The following CDC27 variants were observed in gnomAD, a reference collection of about 807,000 sequenced individuals.
The protein encoded by CDC27 is cell division cycle 27.
A neutral mutation model predicts 109.7 loss-of-function variants in CDC27; 27 were observed. The observed-to-expected ratio is 0.25, with a 90% CI of 0.18 to 0.34. The LOEUF is 0.34. CDC27 is among the 10% of genes least tolerant of loss of function. The pLI is 1.00. For missense variants in CDC27, 579 were observed against 960.2 expected, an observed-to-expected ratio of 0.60 and a Z score of 5.25; for synonymous variants, 266 against 333.9, an observed-to-expected ratio of 0.80 and a Z score of 2.22.
chr17:47,118,721 T>C lies in CDC27; in HGVS notation c.*2214A>G, dbSNP rs1183773313. ...TTCGGGTTGTTTGATCCCCATTCCATGCAAAAAACAAAACCAAACAAAAAA... is the reference window on the plus strand; with the variant it reads ...TTCGGGTTGTTTGATCCCCATTCCACGCAAAAAACAAAACCAAACAAAAAA... On this transcript the variant is annotated 3_prime_UTR_variant, in exon 19 of 19. Coordinates refer to ENST00000066544, the MANE Select transcript of CDC27 (RefSeq NM_001256.6). The C allele has an allele frequency of 6.6e-6, 1 of 152,466 alleles. No homozygotes were observed. Among genetic ancestry groups the C allele is most frequent in the Non-Finnish European group, 1.5e-5 (1 of 68,016 alleles). 9.4% of individuals were successfully genotyped at this position (152,466 alleles called of 1,614,324 possible).
chr17:47,128,520 C>T (rs1384519644), intron 16 of CDC27, among the ~76,000 whole-genome samples: 1 of 152,114 alleles, frequency 6.6e-6, no homozygotes, highest in African/African-American at 2.4e-5. Context: ...CAGACTAGAA[C>T]TAGTCTCCGT....
chr17:47,134,759 C>G (rs1481617116), intron 14 of CDC27, among the ~76,000 whole-genome samples: 1 of 151,626 alleles, frequency 6.6e-6, no homozygotes, highest in Non-Finnish European at 1.5e-5. Context: ...CAGGCGTGAG[C>G]CACCGTGCCC....
intron 9 of CDC27, among the ~76,000 whole-genome samples, chr17:47,146,507 ATCTCACTCCAAGCTGGGAATAGCTCATAC>A (rs1378303302): frequency 2.0e-5 from 3 of 152,192 alleles, no homozygotes; most frequent in African/African-American, 4.8e-5. Flanking sequence ...TAATTACTGG[ATCTCACTCCAAGCTGGGAATAGCTCATAC>A]TTTCAATAGG....
At chr17:47,183,220 T>C (rs2064309028) in intron 1 of CDC27, among the ~76,000 whole-genome samples, 1 of 152,194 alleles carries the variant, frequency 6.6e-6, no homozygotes, top group Non-Finnish European at 1.5e-5. Context: ...TTATAATTTG[T>C]TGAATGATTT....
intron 4 of CDC27, chr17:47,161,648 G>C (rs1003312961): frequency 6.6e-6 from 1 of 152,392 alleles, no homozygotes; most frequent in Non-Finnish European, 1.5e-5. Context: ...TACCTGGGAG[G>C]CTGAGGCAGG....
intron 2 of CDC27, among the ~76,000 whole-genome samples, chr17:47,176,542 T>G: frequency 6.6e-6 from 1 of 152,134 alleles, no homozygotes; most frequent in Non-Finnish European, 1.5e-5. Flanking sequence ...CTCCTTAGTG[T>G]TTGAGGCAGA....
chr17:47,179,828 T>C (rs1173671761), intron 2 of CDC27, among the ~76,000 whole-genome samples: 1 of 152,232 alleles, frequency 6.6e-6, no homozygotes, highest in East Asian at 1.9e-4. Context: ...TGGACTAATC[T>C]GGGAATCTTG....
Position 47,123,777 on chromosome 17 carries a change from T to C in CDC27, c.2235+109A>G, listed in dbSNP as rs2062048945. 4.5e-6 allele frequency: 3 copies of C among 669,190 alleles called. No individual in the cohort carries two copies. In the East Asian group the frequency reaches 9.4e-5, roughly 21 times the overall value. 41.5% of individuals were successfully genotyped at this position (669,190 alleles called of 1,614,324 possible). On this transcript the variant is annotated intron_variant, in intron 17 of 18. Transcript: ENST00000066544. ...TCCCAGAGCACTCAGTTCGGAGCTTTAGTTTAATTTGCTCAATAGATATGT... is the reference window on the plus strand; with the variant it reads ...TCCCAGAGCACTCAGTTCGGAGCTTCAGTTTAATTTGCTCAATAGATATGT...
chr17:47,123,760 C>A, intron 17 of CDC27, 126 bp downstream of exon 17: 1 of 556,912 alleles, frequency 1.8e-6, no homozygotes. Flanking sequence ...ATTCCCAGAG[C>A]ACTCAGTTCG....
At chr17:47,185,477 C>T (rs1317209517) in intron 1 of CDC27, among the ~76,000 whole-genome samples, 1 of 152,156 alleles carries the variant, frequency 6.6e-6, no homozygotes, top group Non-Finnish European at 1.5e-5. Flanking sequence ...GGCACCGCGC[C>T]CGGCCTGTAA....
intron 12 of CDC27, among the ~76,000 whole-genome samples, chr17:47,141,504 CA>C (rs2062791759): frequency 1.3e-5 from 2 of 152,068 alleles, no homozygotes; most frequent in South Asian, 4.2e-4. Flanking sequence ...GTCAAAAATT[CA>C]CCCCAGTAAT....
At chr17:47,181,213 CCACTG>C (rs1371946876) in intron 2 of CDC27, 1 of 134,442 alleles carries the variant, frequency 7.4e-6, no homozygotes, top group Non-Finnish European at 1.5e-5. Flanking sequence ...TGAGATGGTC[CCACTG>C]TACTCCAACA....
In CDC27 at chr17:47,189,105, G is replaced by A. The variant is rs370273617; in HGVS notation, c.27+41C>T. 23 of 1,606,258 alleles carry A rather than the reference G, an allele frequency of 1.4e-5. 1 individual carries two copies. The African/African-American group carries it at 1.9e-4, about 13-fold the overall frequency. On this transcript the variant is annotated intron_variant, in intron 1 of 18. Coordinates refer to ENST00000066544, the MANE Select transcript of CDC27 (RefSeq NM_001256.6). ...GGCCCTACGCTGCTGCTTCCCGACCGAGGCTGCCAGCCAAGCCCCAGAGAA... is the reference window on the plus strand; with the variant it reads ...GGCCCTACGCTGCTGCTTCCCGACCAAGGCTGCCAGCCAAGCCCCAGAGAA...
At chr17:47,124,178 A>AACACACACACAC (rs59790354) in intron 16 of CDC27, among the ~76,000 whole-genome samples, 9,522 of 144,332 alleles carry the variant, frequency 0.066, 399 homozygotes, top group East Asian at 0.2. Flanking sequence ...GTACACTGAA[A>AACACACACACAC]ACACACACAC....
At chr17:47,137,501 T>A (rs779438688) in intron 13 of CDC27, 141 bp from the exon 14 acceptor site, 27 of 505,822 alleles carry the variant, frequency 5.3e-5, no homozygotes, top group African/African-American at 9.9e-5. Context: ...TTCTAATTAT[T>A]CACAGATTCC....
At chr17:47,161,910 C>A (rs947893612) in intron 4 of CDC27, 1 of 151,276 alleles carries the variant, frequency 6.6e-6, no homozygotes, top group Admixed American at 6.6e-5. Flanking sequence ...TTTAGAAAAT[C>A]TCTGTCTGGT....
chr17:47,176,208 T>C (rs537942027), intron 2 of CDC27, among the ~76,000 whole-genome samples: 7 of 152,336 alleles, frequency 4.6e-5, no homozygotes, highest in African/African-American at 1.7e-4. Flanking sequence ...CTGAGCCACA[T>C]GCTCAAGTAA....
chr17:47,150,468 T>C (rs938689186), intron 9 of CDC27, among the ~76,000 whole-genome samples: 10 of 152,134 alleles, frequency 6.6e-5, no homozygotes, highest in African/African-American at 2.4e-4. Flanking sequence ...CAGAGGAAGA[T>C]ACTGAGTTAT....
intron 2 of CDC27, among the ~76,000 whole-genome samples, chr17:47,176,387 C>T (rs571205698): frequency 2.0e-5 from 3 of 152,272 alleles, no homozygotes; most frequent in African/African-American, 7.2e-5. Flanking sequence ...ATCTTTTCTA[C>T]ATTTATTTAC....
Sources: allele counts gnomAD v4.1 joint callset (sites outside exome capture counted in the v4.1 genomes callset), GRCh38; gene constraint gnomAD v4.1.1; transcripts MANE v1.5; gene names NCBI Gene and HGNC (gene_info 2026-07-23, HGNC 2026-07-21).